The following KLF12 variants were observed in gnomAD, a reference collection of about 807,000 sequenced individuals.
The protein encoded by KLF12 is Krueppel-like factor 12.
A neutral mutation model predicts 37.8 loss-of-function variants in KLF12; 9 were observed. The observed-to-expected ratio is 0.24, with a 90% CI of 0.14 to 0.42. The LOEUF is 0.42. Ranked by LOEUF, KLF12 falls within the 10% of genes least tolerant of loss-of-function variation. KLF12 has a pLI of 1.00. For synonymous variants in KLF12, 208 were observed against 202.1 expected (o/e 1.03, Z -0.25); for missense variants, 411 against 516.0 (o/e 0.80, Z 1.97).
At chr13:73,851,772 A>C (rs2138728665) in intron 3 of KLF12, among the ~76,000 whole-genome samples, 1 of 152,308 alleles carries the variant, frequency 6.6e-6, no homozygotes, top group East Asian at 1.9e-4. Flanking sequence ...TGCTTAAAGA[A>C]ATTTACTCTA....
At chr13:74,151,929 C>G in the KLF12 span, among the ~76,000 whole-genome samples, 1 of 151,998 alleles carries the variant, frequency 6.6e-6, no homozygotes, top group African/African-American at 2.4e-5. Context: ...AAAAAATGCA[C>G]GTTGAAAAGA....
chr13:73,803,628 C>T (rs2325565), intron 5 of KLF12, among the ~76,000 whole-genome samples: 63,074 of 151,778 alleles, frequency 0.42, 14,348 homozygotes, highest in East Asian at 0.5. Flanking sequence ...TTAAGCACCA[C>T]GAGATCAGTG....
rs1173861192 is a variant in KLF12 at position 73,692,804 on chromosome 13, T to C, written c.*2686A>G. 1 of 152,664 alleles carries C rather than the reference T, an allele frequency of 6.6e-6. No homozygotes were observed. The highest frequency in any genetic ancestry group is 1.5e-5 in the Non-Finnish European group (1 of 68,044). 9.5% of individuals were successfully genotyped at this position (152,664 alleles called of 1,614,324 possible). A position where few individuals can be genotyped will look rare whatever the true frequency, so the allele number is the denominator to read the frequency against. ...TGCTTAGATCCCTTCTTAGAAGTAC[T>C]GATACGTCAAAAGGGGAAAATGATG... On this transcript the variant is annotated 3_prime_UTR_variant, in exon 8 of 8. Transcript: ENST00000377669.
intron 1 of KLF12, among the ~76,000 whole-genome samples, chr13:74,060,915 C>G (rs1431437868): frequency 2.6e-5 from 4 of 152,124 alleles, no homozygotes; most frequent in Non-Finnish European, 5.9e-5. Context: ...TGATAGAGCA[C>G]TTATTTCCTA....
At chr13:73,717,093 T>C (rs1875874166) in intron 6 of KLF12, among the ~76,000 whole-genome samples, 1 of 152,248 alleles carries the variant, frequency 6.6e-6, no homozygotes, top group South Asian at 2.1e-4. Context: ...AGCTAATCAA[T>C]TCTGCAACTG....
chr13:73,761,532 C>A (rs146873838), intron 6 of KLF12, among the ~76,000 whole-genome samples: 28 of 152,272 alleles, frequency 1.8e-4, no homozygotes, highest in Non-Finnish European at 3.5e-4. Context: ...TACCTTCCTA[C>A]AATTGCACGC....
At chr13:73,909,751 G>A (rs897778874) in intron 3 of KLF12, among the ~76,000 whole-genome samples, 4 of 152,034 alleles carry the variant, frequency 2.6e-5, no homozygotes, top group South Asian at 4.1e-4. Flanking sequence ...TTTTATAGGC[G>A]CATTTAAATA....
chr13:74,222,637 A>G, the KLF12 span, among the ~76,000 whole-genome samples: 1 of 152,354 alleles, frequency 6.6e-6, no homozygotes, highest in African/African-American at 2.4e-5. Context: ...TGAAACAGTC[A>G]TAATAGAATT....
the KLF12 span, among the ~76,000 whole-genome samples, chr13:74,160,148 ACTC>A: frequency 6.6e-6 from 1 of 152,182 alleles, no homozygotes; most frequent in Admixed American, 6.5e-5. Context: ...GTGTGAATAA[ACTC>A]CTCAGAGAGA....
intron 7 of KLF12, 51 bp downstream of exon 7, chr13:73,715,317 G>A (rs770382964): frequency 4.4e-5 from 69 of 1,556,270 alleles, no homozygotes; most frequent in Non-Finnish European, 5.9e-5. Flanking sequence ...AGTGGCCGGC[G>A]CTTTATGGAC....
In KLF12 at chr13:73,715,672, G is replaced by C. The variant is rs1875749305; in HGVS notation, c.870-147C>G. 18 of 744,712 alleles carry C rather than the reference G, an allele frequency of 2.4e-5. 1 individual carries two copies. The South Asian group carries it at 3.8e-4, about 16-fold the overall frequency. The allele number at this position is 744,712 out of a possible 1,614,324, so 46.1% of individuals were successfully genotyped here. A position where few individuals can be genotyped will look rare whatever the true frequency, so the allele number is the denominator to read the frequency against. On this transcript the variant is annotated intron_variant, in intron 6 of 7. Coordinates refer to ENST00000377669, the MANE Select transcript of KLF12 (RefSeq NM_007249.5). ...GTTCTTGCTACCACTATCTTGGGCA[G>C]ATCTCACTTTTCGAAACCTGAAAGG... is the stretch of plus-strand genomic sequence containing the variant.
intron 5 of KLF12, among the ~76,000 whole-genome samples, chr13:73,806,394 C>A (rs1252861054): frequency 6.6e-6 from 1 of 152,068 alleles, no homozygotes; most frequent in Non-Finnish European, 1.5e-5. Flanking sequence ...AGCCACCGTG[C>A]CCAACTTTTC....
intron 5 of KLF12, among the ~76,000 whole-genome samples, chr13:73,788,547 TG>T (rs1311017484): frequency 1.2e-4 from 19 of 152,192 alleles, no homozygotes; most frequent in African/African-American, 4.3e-4. Context: ...AGGGCTGTTC[TG>T]TAAAGGATGG....
At chr13:73,751,641 G>A (rs1348241622) in intron 6 of KLF12, among the ~76,000 whole-genome samples, 2 of 152,114 alleles carry the variant, frequency 1.3e-5, no homozygotes, top group African/African-American at 4.8e-5. Flanking sequence ...TTTTGTAGAC[G>A]AGGAATGAGA....
chr13:74,167,485 C>G, the KLF12 span, among the ~76,000 whole-genome samples: 1 of 152,148 alleles, frequency 6.6e-6, no homozygotes, highest in Non-Finnish European at 1.5e-5. Context: ...TTTTAAAAAT[C>G]TACTTTCCCA....
chr13:73,878,676 G>C (rs765970930), intron 3 of KLF12, among the ~76,000 whole-genome samples: 14 of 150,142 alleles, frequency 9.3e-5, no homozygotes, highest in African/African-American at 3.5e-4. Context: ...AAGGGCAAGA[G>C]AGTGCCATGG....
intron 6 of KLF12, among the ~76,000 whole-genome samples, chr13:73,721,559 T>G (rs137990662): frequency 2.0e-3 from 311 of 152,294 alleles, no homozygotes; most frequent in Non-Finnish European, 3.2e-3. Context: ...CCTTTCATCT[T>G]GTTTTTAAAA....
At chr13:73,852,647 C>T (rs1019231525) in intron 3 of KLF12, among the ~76,000 whole-genome samples, 2 of 151,386 alleles carry the variant, frequency 1.3e-5, no homozygotes, top group Non-Finnish European at 2.9e-5. Context: ...CGTGGTGGCG[C>T]GTGCCTGTAA....
chr13:73,880,660 C>T (rs75368232), intron 3 of KLF12, among the ~76,000 whole-genome samples: 6,928 of 152,198 alleles, frequency 0.046, 431 homozygotes, highest in African/African-American at 0.14. Context: ...GTACCTAAAA[C>T]TAGAATAAAT....
Sources: allele counts gnomAD v4.1 joint callset (sites outside exome capture counted in the v4.1 genomes callset), GRCh38; gene constraint gnomAD v4.1.1; transcripts MANE v1.5; gene names NCBI Gene and HGNC (gene_info 2026-07-23, HGNC 2026-07-21).